Variants in TRPC3 observed in about 807,000 individuals in gnomAD.
TRPC3 encodes the protein short transient receptor potential channel 3.
TRPC3 carries 54 observed loss-of-function variants against 90.9 expected under a neutral mutation model. The ratio of observed to expected loss-of-function variants is 0.59; its 90% CI spans 0.48 to 0.75. The LOEUF (loss-of-function observed/expected upper bound fraction) is 0.75. Among genes scored for constraint, TRPC3 ranks in the 30% least tolerant of loss-of-function variants. The pLI, the probability that TRPC3 is intolerant of heterozygous loss-of-function variation, is 0.00. For synonymous variants in TRPC3, 424 were observed against 450.9 expected (o/e 0.94, Z 0.75); for missense variants, 918 against 1,194.5 (o/e 0.77, Z 3.41).
In TRPC3 at chr4:121,932,437, T is replaced by C; in HGVS notation, c.821A>G (p.Glu274Gly). 1 of 1,614,160 alleles carries C rather than the reference T, an allele frequency of 6.2e-7. No homozygotes were observed. The highest frequency in any genetic ancestry group is 8.5e-7 in the Non-Finnish European group (1 of 1,180,022). ...DYFCKCGDCMEKQRHDSFSHS... is the reference protein window; with the variant it reads ...DYFCKCGDCMGKQRHDSFSHS... Reference sequence around the variant, plus strand: ...GCTGAAGGAGTCGTGCCTCTGCTTCTCCATGCAGTCCCCGCACTTGCAGAA... The same window carrying C: ...GCTGAAGGAGTCGTGCCTCTGCTTCCCCATGCAGTCCCCGCACTTGCAGAA... The change falls in exon 2 of 12, where the codon GAG (glutamate) becomes GGG (glycine). Residue 274 changes from glutamate (E) to glycine (G), a missense_variant. By Grantham distance (98) the Glu-to-Gly change is moderately conservative. This residue lies in a region of TRPC3 where 609 missense variants were observed against 725.9 expected (regional missense o/e 0.84). Transcript: ENST00000379645. The surrounding 1 kb of genome is among the most constrained non-coding windows in gnomAD (Gnocchi z 7.7).
At chr4:121,886,296 A>C (rs1297908118) in intron 10 of TRPC3, among the ~76,000 whole-genome samples, 3 of 152,198 alleles carry the variant, frequency 2.0e-5, no homozygotes, top group Admixed American at 6.5e-5. Flanking sequence ...TTTGACTCTT[A>C]TTAGTAGATT....
At chr4:121,926,487 A>T (rs937429600) in intron 2 of TRPC3, among the ~76,000 whole-genome samples, 1 of 150,838 alleles carries the variant, frequency 6.6e-6, no homozygotes, top group Non-Finnish European at 1.5e-5. Flanking sequence ...GCTCACTGCA[A>T]CCTCCGCCTC....
At chr4:121,944,652 T>A (rs561660410) in intron 1 of TRPC3, among the ~76,000 whole-genome samples, 63 of 152,254 alleles carry the variant, frequency 4.1e-4, no homozygotes, top group African/African-American at 1.5e-3. Context: ...TCATAAATAA[T>A]ATTTGGCAGG....
intron 3 of TRPC3, among the ~76,000 whole-genome samples, chr4:121,922,524 G>A (rs1388539453): frequency 1.3e-5 from 2 of 152,056 alleles, no homozygotes; most frequent in African/African-American, 2.4e-5. Context: ...TATTACTAAC[G>A]ACACCTCATA....
chr4:121,898,021 G>A (rs1256251667), intron 10 of TRPC3, among the ~76,000 whole-genome samples: 1 of 152,100 alleles, frequency 6.6e-6, no homozygotes, highest in Non-Finnish European at 1.5e-5. Context: ...GGAACTGGAG[G>A]ACATTATGTC....
chr4:121,943,184 T>A (rs1032009537), intron 1 of TRPC3, among the ~76,000 whole-genome samples: 1 of 109,560 alleles, frequency 9.1e-6, no homozygotes, highest in African/African-American at 3.0e-5. Flanking sequence ...AACAGATAAT[T>A]TTCCCCCCCT....
rs1344992638 is a variant in TRPC3 at position 121,932,129 on chromosome 4, C to G, written c.987+142G>C. ...GGAGAAAGAAAACATTAGATGAGGT[C>G]TGAATGACGTTCTCAGTCCCTCGTG... On this transcript the variant is annotated intron_variant, in intron 2 of 11. Coordinates refer to ENST00000379645, the MANE Select transcript of TRPC3 (RefSeq NM_001130698.2). The surrounding 1 kb of genome is among the most constrained non-coding windows in gnomAD (Gnocchi z 7.7). 1 of 1,319,780 alleles carries G rather than the reference C, an allele frequency of 7.6e-7. No individual in the cohort carries two copies. Among genetic ancestry groups the G allele is most frequent in the Non-Finnish European group, 1.0e-6 (1 of 981,204 alleles). The allele number at this position is 1,319,780 out of a possible 1,614,324, so 81.8% of individuals were successfully genotyped here.
At position 121,932,241 on chromosome 4, in the gene TRPC3, A is replaced by G; in HGVS notation, c.987+30T>C. 2 of 1,599,446 alleles carry G rather than the reference A, an allele frequency of 1.3e-6. No individual in the cohort carries two copies. The highest frequency in any genetic ancestry group is 8.5e-7 in the Non-Finnish European group (1 of 1,170,228). The stretch of plus-strand genomic sequence containing the variant: ...CAGCGGGGAAGTTGGGTGAGCACAC[A>G]GAGCAGCCGGGGTAGAGCGCAAAGC... On this transcript the variant is annotated intron_variant, in intron 2 of 11. Transcript: ENST00000379645. The surrounding 1 kb of genome is among the most constrained non-coding windows in gnomAD (Gnocchi z 7.7).
chr4:121,949,438 C>A (rs1413977787), intron 1 of TRPC3, among the ~76,000 whole-genome samples: 2 of 152,128 alleles, frequency 1.3e-5, no homozygotes, highest in South Asian at 4.2e-4. Flanking sequence ...TTCAGCTATG[C>A]TGTTCCGTCT....
intron 1 of TRPC3, chr4:121,950,526 C>T (rs1730685204): frequency 6.6e-6 from 1 of 152,318 alleles, no homozygotes; most frequent in South Asian, 2.1e-4. Flanking sequence ...AGAAAAAATA[C>T]AGAGCATCTC....
At chr4:121,914,333 A>G (rs1400272854) in intron 4 of TRPC3, among the ~76,000 whole-genome samples, 2 of 152,232 alleles carry the variant, frequency 1.3e-5, no homozygotes, top group African/African-American at 2.4e-5. Context: ...CGCACACTTA[A>G]CCTTGGATTT....
At chr4:121,937,193 CA>C (rs1730160411) in intron 1 of TRPC3, among the ~76,000 whole-genome samples, 1 of 152,260 alleles carries the variant, frequency 6.6e-6, no homozygotes, top group East Asian at 1.9e-4. Context: ...TTCTGGGCCC[CA>C]TTCAGATGAA....
intron 3 of TRPC3, among the ~76,000 whole-genome samples, chr4:121,922,080 G>A (rs866003544): frequency 1.3e-5 from 2 of 151,738 alleles, no homozygotes; most frequent in African/African-American, 2.4e-5. Context: ...CACCACGCCC[G>A]TCTAATTTTT....
intron 9 of TRPC3, among the ~76,000 whole-genome samples, chr4:121,902,625 A>T (rs537531467): frequency 6.6e-6 from 1 of 152,158 alleles, no homozygotes; most frequent in Non-Finnish European, 1.5e-5. Context: ...GTTTGTTTTT[A>T]ATCTGGCAGT....
At chr4:121,938,092 T>G (rs1304773958) in intron 1 of TRPC3, among the ~76,000 whole-genome samples, 1 of 151,764 alleles carries the variant, frequency 6.6e-6, no homozygotes, top group Non-Finnish European at 1.5e-5. Context: ...CGTTCATAGA[T>G]AGTACAGTCA....
intron 10 of TRPC3, among the ~76,000 whole-genome samples, chr4:121,895,834 C>G (rs559887033): frequency 6.6e-6 from 1 of 152,188 alleles, no homozygotes; most frequent in Admixed American, 6.5e-5. Context: ...TTCTTCTTAA[C>G]TCACTTTATG....
intron 6 of TRPC3, among the ~76,000 whole-genome samples, chr4:121,908,481 G>T (rs916682419): frequency 2.6e-5 from 4 of 152,074 alleles, no homozygotes; most frequent in African/African-American, 9.7e-5. Flanking sequence ...CAACCTAGGT[G>T]CTCATCAACA....
chr4:121,948,843 T>C (rs1442805520), intron 1 of TRPC3, among the ~76,000 whole-genome samples: 1 of 142,678 alleles, frequency 7.0e-6, no homozygotes, highest in African/African-American at 2.6e-5. Flanking sequence ...CTTTGCGGTT[T>C]TTTTTTTGTT....
rs1313700538 is a variant in TRPC3 at position 121,932,613 on chromosome 4, C to T, written c.645G>A (p.Leu215=). ...RLTLSPCEQE[L]QDDDFYAYDE... ...CGTAAGCGTAGAAGTCGTCGTCCTG[C>T]AGCTCCTGCTCACAGGGGCTCAGAG... Residue 215 remains leucine (L), a synonymous_variant, in exon 2 of 12, where the codon CTG becomes CTA. Coordinates refer to ENST00000379645, the MANE Select transcript of TRPC3 (RefSeq NM_001130698.2). This position sits in a 1 kb window ranked among gnomAD's most constrained non-coding sequence, Gnocchi z 7.7. 2 of 1,613,868 alleles carry T rather than the reference C, an allele frequency of 1.2e-6. No individual in the cohort carries two copies. The highest frequency in any genetic ancestry group is 2.2e-5 in the East Asian group (1 of 44,856).
Sources: gnomAD v4.1 joint callset for allele counts (sites outside exome capture counted in the v4.1 genomes callset) on GRCh38, gnomAD v4.1.1 for gene constraint, gnomAD v4.1.1 regional missense constraint, Gnocchi (gnomAD v3.1) non-coding constraint, MANE v1.5 for transcripts, NCBI Gene and HGNC (gene_info 2026-07-23, HGNC 2026-07-21) for gene names.